The following DOCK3 variants were observed in gnomAD, a reference collection of about 807,000 sequenced individuals.
The protein encoded by DOCK3 is dedicator of cytokinesis protein 3.
DOCK3 carries 60 observed loss-of-function variants against 265.6 expected under a neutral mutation model. That is an observed-to-expected ratio of 0.23 (90% confidence interval 0.18 to 0.28). The LOEUF (loss-of-function observed/expected upper bound fraction) is 0.28. Among genes scored for constraint, DOCK3 ranks in the 10% least tolerant of loss-of-function variants. DOCK3 has a pLI of 1.00. For synonymous variants in DOCK3, 881 were observed against 938.0 expected, an observed-to-expected ratio of 0.94 and a Z score of 1.11; for missense variants, 1,981 against 2,594.3, an observed-to-expected ratio of 0.76 and a Z score of 5.14.
intron 12 of DOCK3, among the ~76,000 whole-genome samples, chr3:51,171,106 T>C (rs2086655711): frequency 6.6e-6 from 1 of 152,180 alleles, no homozygotes; most frequent in African/African-American, 2.4e-5. Context: ...CTTAGTTTGC[T>C]ATTTTTTAGT....
chr3:51,192,080 C>T (rs529336312), intron 12 of DOCK3, among the ~76,000 whole-genome samples: 2 of 151,076 alleles, frequency 1.3e-5, no homozygotes, highest in Non-Finnish European at 3.0e-5. Flanking sequence ...TGTGCAGAAG[C>T]TTTTTAGTTT....
intron 22 of DOCK3, among the ~76,000 whole-genome samples, chr3:51,257,182 C>G (rs2108731358): frequency 6.6e-6 from 1 of 152,288 alleles, no homozygotes; most frequent in South Asian, 2.1e-4. Flanking sequence ...GTAATACGTC[C>G]AACACTAAGG....
At chr3:51,108,514 A>G (rs2083384239) in intron 9 of DOCK3, among the ~76,000 whole-genome samples, 1 of 152,210 alleles carries the variant, frequency 6.6e-6, no homozygotes, top group African/African-American at 2.4e-5. Flanking sequence ...AAACACGAAC[A>G]CAGGATAAAA....
chr3:51,103,831 AT>A (rs2083174966), intron 9 of DOCK3, among the ~76,000 whole-genome samples: 1 of 152,224 alleles, frequency 6.6e-6, no homozygotes, highest in South Asian at 2.1e-4. Flanking sequence ...ATATTCACTT[AT>A]CCAACTACAC....
intron 1 of DOCK3, among the ~76,000 whole-genome samples, chr3:50,681,184 T>C (rs953151424): frequency 9.9e-5 from 15 of 152,194 alleles, no homozygotes; most frequent in Admixed American, 6.6e-4. Context: ...TAGAATATGA[T>C]TTAGAAACAT....
chr3:51,314,473 CA>C lies in DOCK3; in HGVS notation c.3254-506del, dbSNP rs553003529. ...CTTCTTTGGCATACATGAACATAGG[CA>C]GTGTAAAAATCCATGGACTTATTAG... is the stretch of plus-strand genomic sequence containing the variant. On this transcript the variant is annotated intron_variant, in intron 31 of 52. Transcript: ENST00000266037. Among the ~76,000 whole-genome samples the C allele has an allele frequency of 8.6e-4, 131 of 152,290 alleles. 1 individual carries two copies. In the South Asian group the frequency reaches 0.016, roughly 18 times the overall value.
Position 51,316,610 on chromosome 3 carries a change from C to G in DOCK3, c.3402+1482C>G, listed in dbSNP as rs926879453. ...AGTATATAATCGATTGCTCCGCATA[C>G]TAACCAGTACTTAGTATTATCTGTT... On this transcript the variant is annotated intron_variant, in intron 32 of 52. Coordinates refer to ENST00000266037, the MANE Select transcript of DOCK3 (RefSeq NM_004947.5). 5.3e-5 allele frequency among the ~76,000 whole-genome samples: 8 copies of G among 152,358 alleles called. No homozygotes were observed. The East Asian group carries it at 1.3e-3, about 26-fold the overall frequency.
intron 4 of DOCK3, among the ~76,000 whole-genome samples, chr3:50,917,005 T>A (rs561214481): frequency 6.6e-6 from 1 of 152,206 alleles, no homozygotes; most frequent in South Asian, 2.1e-4. Context: ...GTAATAATGT[T>A]GAAATATTAG....
intron 38 of DOCK3, among the ~76,000 whole-genome samples, 197 bp downstream of exon 38, chr3:51,341,582 G>T (rs1374703560): frequency 2.6e-5 from 4 of 152,202 alleles, no homozygotes; most frequent in African/African-American, 9.7e-5. Context: ...TAATTCTGTG[G>T]CTTGAAAGCC....
chr3:51,303,961 G>A (rs534253190), intron 27 of DOCK3, among the ~76,000 whole-genome samples: 1 of 152,194 alleles, frequency 6.6e-6, no homozygotes, highest in African/African-American at 2.4e-5. Context: ...GTGCTGTGCT[G>A]GGGGGAATCC....
intron 5 of DOCK3, among the ~76,000 whole-genome samples, chr3:50,948,062 T>G (rs930770040): frequency 3.4e-5 from 5 of 145,452 alleles, no homozygotes; most frequent in Non-Finnish European, 7.5e-5. Context: ...ATTATTATTA[T>G]TATTATTATT....
At chr3:50,792,074 C>A (rs1159885230) in intron 2 of DOCK3, among the ~76,000 whole-genome samples, 1 of 148,994 alleles carries the variant, frequency 6.7e-6, no homozygotes, top group South Asian at 2.1e-4. Context: ...GATATGGATT[C>A]TTCTCTGTTA....
At chr3:50,948,554 CTCTTT>C (rs996793205) in intron 5 of DOCK3, among the ~76,000 whole-genome samples, 7 of 151,912 alleles carry the variant, frequency 4.6e-5, no homozygotes, top group Admixed American at 2.0e-4. Flanking sequence ...CCAAACCCGG[CTCTTT>C]TCTTTTCTTT....
chr3:51,310,083 C>G, intron 27 of DOCK3, 149 bp from the exon 28 acceptor site: 1 of 679,906 alleles, frequency 1.5e-6, no homozygotes, highest in South Asian at 1.8e-5. Context: ...CTCATGTAGC[C>G]CTCTAAGAGA....
chr3:50,967,748 C>T (rs2077073956), intron 5 of DOCK3, among the ~76,000 whole-genome samples: 1 of 152,102 alleles, frequency 6.6e-6, no homozygotes, highest in African/African-American at 2.4e-5. Flanking sequence ...CTCTTGAGAA[C>T]TAACTTACTA....
At chr3:50,761,944 A>T in intron 1 of DOCK3, among the ~76,000 whole-genome samples, 1 of 152,220 alleles carries the variant, frequency 6.6e-6, no homozygotes, top group Non-Finnish European at 1.5e-5. Context: ...GGATGAGTTC[A>T]TGTCCTTTGT....
At chr3:51,378,892 C>G (rs527293945) in intron 51 of DOCK3, among the ~76,000 whole-genome samples, 3 of 152,228 alleles carry the variant, frequency 2.0e-5, no homozygotes, top group African/African-American at 7.2e-5. Flanking sequence ...GTGCTAGGAA[C>G]TGGGGTTCTG....
intron 9 of DOCK3, among the ~76,000 whole-genome samples, chr3:51,114,098 G>T (rs540099136): frequency 1.0e-5 from 1 of 100,304 alleles, no homozygotes; most frequent in Admixed American, 1.1e-4. Context: ...AACAGAGCAA[G>T]ACCCTGTCTC....
intron 12 of DOCK3, among the ~76,000 whole-genome samples, chr3:51,168,624 G>A (rs1036265942): frequency 7.2e-4 from 109 of 152,186 alleles, no homozygotes; most frequent in African/African-American, 2.4e-3. Flanking sequence ...CATGAAACCC[G>A]AAACTATAAA....
Sources: allele counts gnomAD v4.1 joint callset (sites outside exome capture counted in the v4.1 genomes callset), GRCh38; gene constraint gnomAD v4.1.1; transcripts MANE v1.5; gene names NCBI Gene and HGNC (gene_info 2026-07-23, HGNC 2026-07-21).